The following NCAM1 variants were observed in gnomAD, a reference collection of about 807,000 sequenced individuals.
The protein encoded by NCAM1 is neural cell adhesion molecule 1, also known as antigen recognized by monoclonal antibody 5.1H11.
A neutral mutation model predicts 109.8 loss-of-function variants in NCAM1; 14 were observed. The observed-to-expected ratio is 0.13, with a 90% confidence interval of 0.08 to 0.20. The LOEUF (loss-of-function observed/expected upper bound fraction) is 0.20. Among genes scored for constraint, NCAM1 ranks in the 10% least tolerant of loss-of-function variants. NCAM1 has a pLI of 1.00. For missense variants in NCAM1, 774 were observed against 1,109.9 expected, an observed-to-expected ratio of 0.70 and a Z score of 4.30; for synonymous variants, 418 against 442.9, an observed-to-expected ratio of 0.94 and a Z score of 0.70.
chr11:113,246,957 C>T (rs1380666102), intron 15 of NCAM1, among the ~76,000 whole-genome samples: 2 of 152,174 alleles, frequency 1.3e-5, no homozygotes, highest in Non-Finnish European at 2.9e-5. Context: ...ACTGAGGTGT[C>T]ACTTTTTAAG....
intron 1 of NCAM1, among the ~76,000 whole-genome samples, chr11:113,075,048 C>T (rs969169497): frequency 1.3e-5 from 2 of 151,988 alleles, no homozygotes; most frequent in Admixed American, 6.6e-5. Context: ...AGTTTCTGCC[C>T]CGCTCTGTGT....
At chr11:113,228,022 T>G (rs1348115318) in intron 9 of NCAM1, among the ~76,000 whole-genome samples, 1 of 152,144 alleles carries the variant, frequency 6.6e-6, no homozygotes, top group Non-Finnish European at 1.5e-5. Flanking sequence ...AAAACTGGCA[T>G]AAGACAGGGA....
At chr11:113,243,600 A>C (rs1945407799) in intron 14 of NCAM1, 1 of 518,720 alleles carries the variant, frequency 1.9e-6, no homozygotes, top group Admixed American at 1.9e-5. Flanking sequence ...GCTGGTCTTC[A>C]TAATGCTCTA....
Position 113,232,773 on chromosome 11 carries a change from G to T in NCAM1, c.1481G>T (p.Arg494Leu). 2 of 1,613,888 alleles carry T rather than the reference G, an allele frequency of 1.2e-6. No individual in the cohort carries two copies. ...FGNYNCTAVN[R>L]IGQESLEFIL... Reference sequence around the variant, plus strand: ...AACTACAACTGTACTGCAGTGAACCGCATTGGGCAGGAGTCCTTGGAATTC... The same window carrying T: ...AACTACAACTGTACTGCAGTGAACCTCATTGGGCAGGAGTCCTTGGAATTC... The change falls in exon 12 of 20, where the codon CGC (arginine) becomes CTC (leucine). Residue 494 changes from arginine to leucine, a missense_variant. Arg to Leu is a moderately radical substitution (Grantham distance 102). Transcript: ENST00000316851.
chr11:113,006,259 C>T (rs1555073307), intron 1 of NCAM1, among the ~76,000 whole-genome samples: 3 of 152,120 alleles, frequency 2.0e-5, no homozygotes. Context: ...TAAAGACAGC[C>T]TTTGCCTTTT....
chr11:113,216,226 G>A (rs1297040832), intron 8 of NCAM1, among the ~76,000 whole-genome samples: 5 of 140,362 alleles, frequency 3.6e-5, no homozygotes, highest in African/African-American at 5.4e-5. Flanking sequence ...TCGGCTCACT[G>A]CAGGCTCCGC....
chr11:113,067,478 G>A (rs1413338834), intron 1 of NCAM1, among the ~76,000 whole-genome samples: 2 of 152,154 alleles, frequency 1.3e-5, no homozygotes, highest in Non-Finnish European at 2.9e-5. Flanking sequence ...TTGTCTTTTT[G>A]AATTGGCTTT....
chr11:113,110,391 C>G (rs1336423839), intron 1 of NCAM1, among the ~76,000 whole-genome samples: 1 of 152,140 alleles, frequency 6.6e-6, no homozygotes, highest in Non-Finnish European at 1.5e-5. Context: ...TGCTTGGCCT[C>G]TTTATGCACT....
At chr11:112,982,533 G>A (rs1454721886) in intron 1 of NCAM1, among the ~76,000 whole-genome samples, 1 of 151,832 alleles carries the variant, frequency 6.6e-6, no homozygotes, top group Non-Finnish European at 1.5e-5. Context: ...CCAGTAGTCA[G>A]GGGGTAGGAG....
intron 1 of NCAM1, among the ~76,000 whole-genome samples, chr11:113,018,255 G>A (rs1471767707): frequency 6.6e-6 from 1 of 151,064 alleles, no homozygotes. Context: ...TGTACTGTTG[G>A]GTATGTTCAC....
chr11:113,065,605 A>G (rs1937912725), intron 1 of NCAM1, among the ~76,000 whole-genome samples: 1 of 152,194 alleles, frequency 6.6e-6, no homozygotes, highest in Admixed American at 6.5e-5. Flanking sequence ...AATTGTGAGA[A>G]AGACACCAGA....
At position 113,084,346 on chromosome 11, in the gene NCAM1, G is replaced by A. The variant is rs782557818; in HGVS notation, c.53-118033G>A. On this transcript the variant is annotated intron_variant, in intron 1 of 19. Coordinates refer to ENST00000316851, the MANE Select transcript of NCAM1 (RefSeq NM_181351.5). ...ACTGGAAGTGATCTTAGTAATCACC[G>A]TATTCAGCCCTCTATTTTATAGATA... Among the ~76,000 whole-genome samples the A allele has an allele frequency of 7.2e-5, 11 of 152,104 alleles. No individual in the cohort carries two copies. The South Asian group carries it at 8.3e-4, about 11-fold the overall frequency.
chr11:113,208,094 T>A, intron 7 of NCAM1, 92 bp downstream of exon 7: 1 of 1,397,798 alleles, frequency 7.2e-7, no homozygotes, highest in Non-Finnish European at 9.7e-7. Flanking sequence ...CCACTGTCCC[T>A]CAGAACATAA....
intron 3 of NCAM1, among the ~76,000 whole-genome samples, chr11:113,205,067 GTTCTT>G (rs1397160080): frequency 6.6e-6 from 1 of 152,112 alleles, no homozygotes; most frequent in African/African-American, 2.4e-5. Context: ...CTTTTTTCCT[GTTCTT>G]TTCATCAGCA....
chr11:113,106,606 A>G (rs976722564), intron 1 of NCAM1, among the ~76,000 whole-genome samples: 3 of 152,238 alleles, frequency 2.0e-5, no homozygotes, highest in Admixed American at 6.5e-5. Flanking sequence ...CAGGTGGCCT[A>G]TAAGATTTCT....
rs782352863 is a variant in NCAM1, at chr11:113,231,679, C to G, written c.1124C>G (p.Ala375Gly). 4.3e-6 allele frequency: 7 copies of G among 1,613,800 alleles called. No homozygotes were observed. Among genetic ancestry groups the G allele is most frequent in the Non-Finnish European group, 5.1e-6 (6 of 1,179,872 alleles). The change falls in exon 10 of 20, where the codon GCC becomes GGC. Residue 375 changes from alanine to glycine, a missense_variant. Physicochemically the swap from Ala to Gly is moderately conservative, Grantham distance 60 (BLOSUM62 0). This residue lies in a region of NCAM1 where 523 missense variants were observed against 784.2 expected (regional missense o/e 0.67). Coordinates refer to ENST00000316851, the MANE Select transcript of NCAM1 (RefSeq NM_181351.5). ...GGGCACATGGTGGTGCGTAGCCATG[C>G]CCGTGTGTCGTCGCTGACCCTGAAG... ...LDGHMVVRSHARVSSLTLKSI... is the reference protein window; with the variant it reads ...LDGHMVVRSHGRVSSLTLKSI...
At chr11:113,211,964 G>A (rs1006337495) in intron 7 of NCAM1, among the ~76,000 whole-genome samples, 1 of 152,190 alleles carries the variant, frequency 6.6e-6, no homozygotes, top group Non-Finnish European at 1.5e-5. Context: ...GGATCCAAAA[G>A]CCAAGAACTC....
intron 1 of NCAM1, among the ~76,000 whole-genome samples, chr11:113,079,085 G>T (rs1054432802): frequency 6.6e-6 from 1 of 152,140 alleles, no homozygotes; most frequent in Non-Finnish European, 1.5e-5. Flanking sequence ...GGCACCCGTG[G>T]CCTCTGAAAA....
At chr11:113,105,052 G>GT (rs1263563536) in intron 1 of NCAM1, among the ~76,000 whole-genome samples, 2 of 152,238 alleles carry the variant, frequency 1.3e-5, no homozygotes, top group Admixed American at 6.5e-5. Context: ...GAGAGTACAT[G>GT]TTGAGGTCAT....
Sources: allele counts gnomAD v4.1 joint callset (sites outside exome capture counted in the v4.1 genomes callset), GRCh38; gene constraint gnomAD v4.1.1; regional missense constraint gnomAD v4.1.1; transcripts MANE v1.5; gene names NCBI Gene and HGNC (gene_info 2026-07-23, HGNC 2026-07-21).